The following TSC22D1 variants were observed in gnomAD, a reference collection of about 807,000 sequenced individuals.
The protein encoded by TSC22D1 is TSC22 domain family protein 1.
In TSC22D1, 9 loss-of-function variants were observed where a neutral mutation model predicts 74.2. The observed-to-expected ratio is 0.12, with a 90% CI of 0.07 to 0.21. TSC22D1 has a LOEUF of 0.21. TSC22D1 is among the 10% of genes least tolerant of loss of function. The probability of loss-of-function intolerance (pLI) is 1.00; values close to 1 mark genes in which losing one functional copy is unlikely to be tolerated. For missense variants in TSC22D1, 1,427 were observed against 1,304.7 expected (o/e 1.09, Z -1.44); for synonymous variants, 586 against 492.5 (o/e 1.19, Z -2.51).
At chr13:44,436,131 G>T (rs900056217) in intron 1 of TSC22D1, 36 bp from the exon 2 acceptor site, 6 of 1,599,206 alleles carry the variant, frequency 3.8e-6, no homozygotes, top group Non-Finnish European at 5.1e-6. Context: ...ATCGATAAAT[G>T]GAATTTATCT....
chr13:44,533,570 G>A (rs1446317315), intron 1 of TSC22D1, among the ~76,000 whole-genome samples: 2 of 151,892 alleles, frequency 1.3e-5, no homozygotes, highest in African/African-American at 4.8e-5. Flanking sequence ...GATCACCTGA[G>A]GTCAGGAGTT....
chr13:44,436,731 C>G (rs11552414), intron 1 of TSC22D1: 1 of 1,491,458 alleles, frequency 6.7e-7, no homozygotes, highest in Non-Finnish European at 8.9e-7. Context: ...CAGGGAGAAA[C>G]AGAAAACGGC....
intron 1 of TSC22D1, among the ~76,000 whole-genome samples, chr13:44,439,916 T>G (rs187874450): frequency 6.6e-6 from 1 of 152,168 alleles, no homozygotes; most frequent in African/African-American, 2.4e-5. Flanking sequence ...AGCACTGAAA[T>G]AGAGTAACCT....
At chr13:44,567,717 C>T (rs1160855875) in intron 1 of TSC22D1, among the ~76,000 whole-genome samples, 1 of 151,762 alleles carries the variant, frequency 6.6e-6, no homozygotes, top group Non-Finnish European at 1.5e-5. Context: ...ATTAGAAGAC[C>T]AGTCAAGAAG....
At chr13:44,570,872 T>C (rs1476199852) in intron 1 of TSC22D1, among the ~76,000 whole-genome samples, 2 of 152,246 alleles carry the variant, frequency 1.3e-5, no homozygotes, top group African/African-American at 4.8e-5. Context: ...CTTGTAGTTA[T>C]TCTTAAATTA....
In TSC22D1 at chr13:44,434,239, C is replaced by G; in HGVS notation, c.*387G>C. The G allele has an allele frequency of 7.1e-7, 1 of 1,413,452 alleles. No homozygotes were observed. Among genetic ancestry groups the G allele is most frequent in the Non-Finnish European group, 9.1e-7 (1 of 1,097,326 alleles). The allele number at this position is 1,413,452 out of a possible 1,614,324, so 87.6% of individuals were successfully genotyped here. A position where few individuals can be genotyped will look rare whatever the true frequency, so the allele number is the denominator to read the frequency against. On this transcript the variant is annotated 3_prime_UTR_variant, in exon 3 of 3. Transcript: ENST00000458659. ...AGGCGAGTCCAGTGAGGAGCTCCATCGCTTCACAACCCCATGTAGGACACT... is the reference window on the plus strand; with the variant it reads ...AGGCGAGTCCAGTGAGGAGCTCCATGGCTTCACAACCCCATGTAGGACACT...
intron 1 of TSC22D1, chr13:44,452,863 T>C (rs1399491983): frequency 6.6e-6 from 1 of 152,368 alleles, no homozygotes; most frequent in Non-Finnish European, 1.5e-5. Flanking sequence ...GAGTGCCATA[T>C]CCTTGCTGCT....
chr13:44,536,739 A>T (rs1188178921), intron 1 of TSC22D1: 1 of 984,710 alleles, frequency 1.0e-6, no homozygotes, highest in African/African-American at 1.7e-5. Flanking sequence ...AACTCAAGAG[A>T]GTTTTAATGG....
chr13:44,508,387 A>C (rs1005675696), intron 1 of TSC22D1, among the ~76,000 whole-genome samples: 29 of 152,300 alleles, frequency 1.9e-4, no homozygotes, highest in South Asian at 2.1e-4. Flanking sequence ...ACGTTCTATA[A>C]GCTTAACTTT....
intron 1 of TSC22D1, among the ~76,000 whole-genome samples, chr13:44,491,448 G>C (rs553861135): frequency 6.6e-6 from 1 of 151,488 alleles, no homozygotes; most frequent in African/African-American, 2.4e-5. Context: ...CAGCTACTCG[G>C]GAAGCTGAGG....
At chr13:44,443,772 GAAC>G (rs970545821) in intron 1 of TSC22D1, among the ~76,000 whole-genome samples, 4 of 152,148 alleles carry the variant, frequency 2.6e-5, no homozygotes, top group Admixed American at 2.6e-4. Context: ...GACAAAGATA[GAAC>G]AACGGCTAAG....
chr13:44,487,096 A>G (rs1286835434), intron 1 of TSC22D1, among the ~76,000 whole-genome samples: 4 of 152,222 alleles, frequency 2.6e-5, no homozygotes, highest in Non-Finnish European at 5.9e-5. Context: ...AAACTCTTGT[A>G]TAAAAACTTT....
intron 1 of TSC22D1, among the ~76,000 whole-genome samples, chr13:44,445,159 G>A (rs1267875834): frequency 6.6e-6 from 1 of 151,962 alleles, no homozygotes; most frequent in African/African-American, 2.4e-5. Flanking sequence ...TTACCACAGT[G>A]TGGTACTAGT....
upstream of TSC22D1, chr13:44,577,162 C>G (rs1884304913): frequency 6.6e-6 from 1 of 151,428 alleles, no homozygotes; most frequent in African/African-American, 2.4e-5. Context: ...CAGCCGACGC[C>G]GTTCAAAGGA....
At chr13:44,545,406 T>C (rs1595152766) in intron 1 of TSC22D1, among the ~76,000 whole-genome samples, 1 of 152,062 alleles carries the variant, frequency 6.6e-6, no homozygotes, top group Admixed American at 6.6e-5. Context: ...GTATATGTCA[T>C]TAAAAAAACC....
intron 1 of TSC22D1, among the ~76,000 whole-genome samples, chr13:44,562,554 A>AC (rs1361036351): frequency 2.0e-5 from 3 of 152,104 alleles, no homozygotes; most frequent in African/African-American, 7.2e-5. Flanking sequence ...GATGTACACC[A>AC]CTTCCTTTTT....
intron 1 of TSC22D1, among the ~76,000 whole-genome samples, chr13:44,502,925 C>T (rs1291612858): frequency 6.6e-6 from 1 of 152,186 alleles, no homozygotes; most frequent in Non-Finnish European, 1.5e-5. Flanking sequence ...CACAATAAAA[C>T]TGCAAACTAT....
chr13:44,551,890 G>T (rs1440793872), intron 1 of TSC22D1, among the ~76,000 whole-genome samples: 1 of 152,134 alleles, frequency 6.6e-6, no homozygotes, highest in Admixed American at 6.5e-5. Context: ...AACAGGGCAA[G>T]GCCCTGTGTC....
intron 1 of TSC22D1, among the ~76,000 whole-genome samples, chr13:44,506,777 T>C (rs1432976461): frequency 1.3e-5 from 2 of 152,196 alleles, no homozygotes; most frequent in East Asian, 3.9e-4. Flanking sequence ...GGGTGACCAG[T>C]AAGGTGTCTC....
Sources: gnomAD v4.1 joint callset for allele counts (sites outside exome capture counted in the v4.1 genomes callset) on GRCh38, gnomAD v4.1.1 for gene constraint, MANE v1.5 for transcripts, NCBI Gene and HGNC (gene_info 2026-07-23, HGNC 2026-07-21) for gene names.